LTBP2: variants seen among roughly 807,000 people sequenced by gnomAD.
LTBP2 encodes the protein latent transforming growth factor beta binding protein 2.
A neutral mutation model predicts 210.6 loss-of-function variants in LTBP2; 103 were observed. The ratio of observed to expected loss-of-function variants is 0.49; its 90% confidence interval spans 0.42 to 0.58. The LOEUF is 0.58. LTBP2 is among the 20% of genes least tolerant of loss of function. The pLI is 0.00. For synonymous variants in LTBP2, 1,007 were observed against 1,015.0 expected (o/e 0.99, Z 0.15); for missense variants, 2,313 against 2,494.5 (o/e 0.93, Z 1.55).
intron 8 of LTBP2, among the ~76,000 whole-genome samples, chr14:74,541,926 A>G (rs376924650): frequency 6.6e-6 from 1 of 152,222 alleles, no homozygotes; most frequent in South Asian, 2.1e-4. Context: ...GATCAAGGTT[A>G]TCACAAGGGG....
At chr14:74,581,929 C>T (rs1191096137) in intron 3 of LTBP2, among the ~76,000 whole-genome samples, 2 of 152,088 alleles carry the variant, frequency 1.3e-5, no homozygotes, top group Non-Finnish European at 2.9e-5. Flanking sequence ...CACAGCTCCC[C>T]AGACACACCC....
chr14:74,560,618 C>G (rs2087781958), intron 3 of LTBP2, among the ~76,000 whole-genome samples: 1 of 152,252 alleles, frequency 6.6e-6, no homozygotes, highest in South Asian at 2.1e-4. Context: ...TCACCCTAGC[C>G]TGGCTGCTCT....
intron 8 of LTBP2, among the ~76,000 whole-genome samples, chr14:74,542,588 G>A (rs565119017): frequency 9.3e-4 from 141 of 152,300 alleles, no homozygotes; most frequent in African/African-American, 3.0e-3. Context: ...ACACAGGGAC[G>A]CGTGAGCAGG....
chr14:74,553,187 T>A, intron 4 of LTBP2, 125 bp from the exon 5 acceptor site: 2 of 921,620 alleles, frequency 2.2e-6, no homozygotes, highest in Non-Finnish European at 3.4e-6. Flanking sequence ...GCTGAGTACC[T>A]ACTGGACGCA....
In LTBP2 at chr14:74,528,988, C is replaced by T. The variant is rs554002446; in HGVS notation, c.2122G>A (p.Glu708Lys). The change falls in exon 11 of 36, where the codon GAG becomes AAG. Residue 708 changes from glutamate to lysine, a missense_variant. Around this residue, in one of 3 missense-constraint regions of LTBP2, gnomAD observed 1,867 missense variants for 1,976.9 expected, o/e 0.94. Transcript: ENST00000261978. ...CSRVGKAWGS[E>K]CEKCPLPGTE... is the part of the protein sequence containing the mutation. ...CCAGGCAGAGGGCATTTCTCACACT[C>T]GCTGCCCCATGCTTTGCCCACGCGG... 2.5e-5 allele frequency: 40 copies of T among 1,610,108 alleles called. No individual in the cohort carries two copies. In the East Asian group the frequency reaches 5.6e-4, roughly 22 times the overall value.
chr14:74,565,496 T>G (rs1340662904), intron 3 of LTBP2, among the ~76,000 whole-genome samples: 1 of 152,188 alleles, frequency 6.6e-6, no homozygotes, highest in African/African-American at 2.4e-5. Context: ...AAGGGCTATT[T>G]CAGATGTAGA....
chr14:74,545,390 T>C (rs143725768), intron 8 of LTBP2, among the ~76,000 whole-genome samples: 1 of 152,362 alleles, frequency 6.6e-6, no homozygotes, highest in African/African-American at 2.4e-5. Flanking sequence ...AACTGGCGGC[T>C]ATTCTTGGTT....
In LTBP2 at chr14:74,611,979, A is replaced by G; in HGVS notation, c.-35T>C. ...CGGCTGGAGAGTGGTGCGCGCGGGC[A>G]CCGCGAAGAGCTTTGTGGTCGGCAC... On this transcript the variant is annotated 5_prime_UTR_variant, in exon 1 of 36. Transcript: ENST00000261978. 1 of 1,525,818 alleles carries G rather than the reference A, an allele frequency of 6.6e-7. No homozygotes were observed. The highest frequency in any genetic ancestry group is 2.0e-5 in the Admixed American group (1 of 50,814). The allele number at this position is 1,525,818 out of a possible 1,614,324, so 94.5% of individuals were successfully genotyped here.
intron 3 of LTBP2, among the ~76,000 whole-genome samples, chr14:74,560,309 G>A (rs1566638843): frequency 6.6e-6 from 1 of 152,060 alleles, no homozygotes; most frequent in Non-Finnish European, 1.5e-5. Context: ...ATTTCTTTAT[G>A]GATCATGAAA....
chr14:74,566,626 A>C (rs11622583), intron 3 of LTBP2, among the ~76,000 whole-genome samples: 1 of 152,084 alleles, frequency 6.6e-6, no homozygotes, highest in Non-Finnish European at 1.5e-5. Context: ...GAGTAGGGAC[A>C]GCATGTTCAA....
At chr14:74,553,950 G>GTA (rs1417805691) in intron 4 of LTBP2, among the ~76,000 whole-genome samples, 1 of 151,552 alleles carries the variant, frequency 6.6e-6, no homozygotes, top group African/African-American at 2.4e-5. Context: ...GTGTGTGTGT[G>GTA]TGTGTGTGTG....
intron 18 of LTBP2, among the ~76,000 whole-genome samples, chr14:74,514,814 G>A (rs950718852): frequency 1.3e-5 from 2 of 152,198 alleles, no homozygotes; most frequent in African/African-American, 2.4e-5. Flanking sequence ...AAGAGGGAGA[G>A]GAAATTGACT....
At chr14:74,564,065 A>T (rs1347474798) in intron 3 of LTBP2, among the ~76,000 whole-genome samples, 4 of 45,804 alleles carry the variant, frequency 8.7e-5, no homozygotes, top group Admixed American at 4.0e-4. Context: ...ATATATTTAT[A>T]TATATATATT....
At chr14:74,534,750 A>G (rs1014938982) in intron 9 of LTBP2, among the ~76,000 whole-genome samples, 7 of 152,076 alleles carry the variant, frequency 4.6e-5, no homozygotes, top group African/African-American at 9.7e-5. Context: ...GGATGGAGAG[A>G]GAGGAGAGAT....
chr14:74,530,575 G>T (rs1299551661), intron 10 of LTBP2, among the ~76,000 whole-genome samples: 1 of 152,204 alleles, frequency 6.6e-6, no homozygotes, highest in Non-Finnish European at 1.5e-5. Flanking sequence ...CAGTATAGTG[G>T]CACGATCTCG....
At chr14:74,594,163 G>C (rs1288727225) in intron 2 of LTBP2, among the ~76,000 whole-genome samples, 2 of 152,164 alleles carry the variant, frequency 1.3e-5, no homozygotes, top group Non-Finnish European at 2.9e-5. Context: ...ATGGTGCTGG[G>C]TGGGGACTGC....
At chr14:74,564,464 G>A (rs561992903) in intron 3 of LTBP2, among the ~76,000 whole-genome samples, 3 of 138,084 alleles carry the variant, frequency 2.2e-5, no homozygotes, top group African/African-American at 5.5e-5. Context: ...ACGCAGTCTC[G>A]GCTCACTGCA....
intron 4 of LTBP2, 40 bp downstream of exon 4, chr14:74,555,463 A>G: frequency 6.2e-7 from 1 of 1,600,354 alleles, no homozygotes; most frequent in Non-Finnish European, 8.6e-7. Flanking sequence ...AGAGTTCTAG[A>G]GGCCCTGCTC....
chr14:74,532,901 G>GT (rs1259725665), intron 9 of LTBP2, among the ~76,000 whole-genome samples: 42 of 152,194 alleles, frequency 2.8e-4, no homozygotes, highest in Non-Finnish European at 5.1e-4. Flanking sequence ...GTGCAGGGGT[G>GT]TGATCTCAGC....
Sources: gnomAD v4.1 joint callset for allele counts (sites outside exome capture counted in the v4.1 genomes callset) on GRCh38, gnomAD v4.1.1 for gene constraint, gnomAD v4.1.1 regional missense constraint, MANE v1.5 for transcripts, NCBI Gene and HGNC (gene_info 2026-07-23, HGNC 2026-07-21) for gene names.